Variants in EIPR1 observed in about 807,000 individuals in gnomAD.
EIPR1 encodes EARP complex and GARP complex interacting protein 1.
In EIPR1, 25 loss-of-function variants were observed where a neutral mutation model predicts 48.1. The observed-to-expected ratio is 0.52, with a 90% CI of 0.38 to 0.73. The LOEUF (loss-of-function observed/expected upper bound fraction) is 0.73, where lower values mean the gene tolerates loss of function less well. Among genes scored for constraint, EIPR1 ranks in the 30% least tolerant of loss-of-function variants. The pLI is 0.00. For missense variants in EIPR1, 415 were observed against 506.2 expected (o/e 0.82, Z 1.73); for synonymous variants, 204 against 201.9 (o/e 1.01, Z -0.09).
At chr2:3,290,657 G>T (rs922319788) in intron 3 of EIPR1, among the ~76,000 whole-genome samples, 1 of 152,220 alleles carries the variant, frequency 6.6e-6, no homozygotes, top group African/African-American at 2.4e-5. Context: ...GAGGGTGCTG[G>T]GGGCAGGTGG....
intron 3 of EIPR1, among the ~76,000 whole-genome samples, chr2:3,270,034 C>G (rs1172287631): frequency 6.6e-6 from 1 of 152,214 alleles, no homozygotes; most frequent in African/African-American, 2.4e-5. Flanking sequence ...GAAATCATAC[C>G]AGGAGGCAAA....
At chr2:3,288,859 A>G (rs1367427301) in intron 3 of EIPR1, among the ~76,000 whole-genome samples, 7 of 152,204 alleles carry the variant, frequency 4.6e-5, no homozygotes, top group Non-Finnish European at 8.8e-5. Flanking sequence ...CCATTCCTGC[A>G]TGGGATGGGT....
At chr2:3,199,071 C>CCCCCCCCCCT (rs1558216901) in intron 5 of EIPR1, among the ~76,000 whole-genome samples, 1 of 50,410 alleles carries the variant, frequency 2.0e-5, no homozygotes, top group African/African-American at 6.1e-5. Context: ...GCCCCCCCCC[C>CCCCCCCCCCT]GCCCCGGGAA....
intron 3 of EIPR1, among the ~76,000 whole-genome samples, chr2:3,269,676 C>T (rs1667641951): frequency 7.3e-6 from 1 of 136,332 alleles, no homozygotes; most frequent in Non-Finnish European, 1.6e-5. Flanking sequence ...ACTCAATCAT[C>T]GCAATCATCG....
chr2:3,328,423 C>T (rs78007274), intron 3 of EIPR1, among the ~76,000 whole-genome samples: 8 of 150,178 alleles, frequency 5.3e-5, no homozygotes, highest in Admixed American at 1.3e-4. Flanking sequence ...CCATCCACCA[C>T]GCTCTAATGA....
At chr2:3,265,730 G>A (rs949139995) in intron 3 of EIPR1, among the ~76,000 whole-genome samples, 14 of 152,198 alleles carry the variant, frequency 9.2e-5, no homozygotes, top group Non-Finnish European at 1.5e-5. Flanking sequence ...GCCGACAGAA[G>A]TCAGAGAACC....
intron 3 of EIPR1, among the ~76,000 whole-genome samples, chr2:3,296,546 C>G (rs1323000968): frequency 1.3e-5 from 2 of 148,992 alleles, no homozygotes; most frequent in African/African-American, 2.5e-5. Context: ...TCCATCCAGT[C>G]CATCCTCTGT....
intron 3 of EIPR1, among the ~76,000 whole-genome samples, chr2:3,327,881 A>G (rs578258525): frequency 2.1e-4 from 31 of 150,884 alleles, no homozygotes; most frequent in South Asian, 6.3e-4. Flanking sequence ...TCTTTTTGAG[A>G]TAGGGTCTAA....
At chr2:3,254,563 C>A (rs1339768998) in intron 4 of EIPR1, among the ~76,000 whole-genome samples, 1 of 152,210 alleles carries the variant, frequency 6.6e-6, no homozygotes, top group Non-Finnish European at 1.5e-5. Flanking sequence ...AGCAGCAACT[C>A]AACCTCCAGG....
intron 3 of EIPR1, among the ~76,000 whole-genome samples, chr2:3,289,516 G>A (rs555309039): frequency 2.2e-4 from 33 of 152,226 alleles, no homozygotes; most frequent in Middle Eastern, 6.8e-3. Flanking sequence ...CCAGCCTCCT[G>A]GCCTTCCGCT....
chr2:3,202,030 G>A (rs574916339), intron 5 of EIPR1, among the ~76,000 whole-genome samples: 8 of 152,020 alleles, frequency 5.3e-5, no homozygotes, highest in South Asian at 2.1e-4. Context: ...TCCAATTCCC[G>A]GGGTTCACGC....
At chr2:3,290,744 C>G (rs1286687839) in intron 3 of EIPR1, among the ~76,000 whole-genome samples, 1 of 152,296 alleles carries the variant, frequency 6.6e-6, no homozygotes, top group Middle Eastern at 3.4e-3. Context: ...TGGGGCTGAG[C>G]GCACTTGCTG....
chr2:3,206,923 G>A (rs927362535), intron 5 of EIPR1, among the ~76,000 whole-genome samples: 5 of 152,166 alleles, frequency 3.3e-5, no homozygotes, highest in African/African-American at 1.2e-4. Flanking sequence ...ATGAAAGCAC[G>A]CCGGATCCCT....
chr2:3,240,501 C>G (rs1259500520), intron 4 of EIPR1, among the ~76,000 whole-genome samples: 1 of 150,934 alleles, frequency 6.6e-6, no homozygotes, highest in Admixed American at 6.6e-5. Flanking sequence ...TAAAGCAAAG[C>G]CAGCAGATCC....
At chr2:3,232,703 C>T (rs1666279876) in intron 4 of EIPR1, among the ~76,000 whole-genome samples, 2 of 152,132 alleles carry the variant, frequency 1.3e-5, no homozygotes, top group Non-Finnish European at 2.9e-5. Flanking sequence ...GGGGAGAGAG[C>T]CGGTTCCCCC....
chr2:3,341,095 CAAAAAAAA>C (rs55667121), intron 2 of EIPR1, among the ~76,000 whole-genome samples: 3 of 22,198 alleles, frequency 1.4e-4, no homozygotes, highest in Non-Finnish European at 2.0e-4. Flanking sequence ...GATCCTGTCT[CAAAAAAAA>C]AAAAAAAAAA....
chr2:3,273,610 T>C (rs1207859063), intron 3 of EIPR1, among the ~76,000 whole-genome samples: 1 of 152,246 alleles, frequency 6.6e-6, no homozygotes, highest in African/African-American at 2.4e-5. Flanking sequence ...AAAACTGCAC[T>C]GATCCTTACA....
At chr2:3,360,278 C>T (rs1405489577) in intron 1 of EIPR1, among the ~76,000 whole-genome samples, 7 of 152,012 alleles carry the variant, frequency 4.6e-5, no homozygotes, top group African/African-American at 7.2e-5. Context: ...GTGGTGAGCG[C>T]CTGTAATCTC....
chr2:3,209,466 G>A (rs1159276682), intron 5 of EIPR1, among the ~76,000 whole-genome samples: 1 of 152,218 alleles, frequency 6.6e-6, no homozygotes, highest in Non-Finnish European at 1.5e-5. Flanking sequence ...GTGCGTGGAA[G>A]GAGGCCCAGG....
Sources: allele counts gnomAD v4.1 joint callset (sites outside exome capture counted in the v4.1 genomes callset), GRCh38; gene constraint gnomAD v4.1.1; transcripts MANE v1.5; gene names NCBI Gene and HGNC (gene_info 2026-07-23, HGNC 2026-07-21).